FNIP1: variants seen among roughly 807,000 people sequenced by gnomAD.
The protein encoded by FNIP1 is folliculin-interacting protein 1.
Under a neutral mutation model 124.5 loss-of-function variants are expected in FNIP1, and 40 were observed. That is an observed-to-expected ratio of 0.32 (90% CI 0.25 to 0.42). The LOEUF (loss-of-function observed/expected upper bound fraction) is 0.42. FNIP1 is among the 10% of genes least tolerant of loss of function. The pLI is 1.00. For missense variants in FNIP1, 1,176 were observed against 1,403.7 expected, an observed-to-expected ratio of 0.84 and a Z score of 2.59; for synonymous variants, 472 against 470.6, an observed-to-expected ratio of 1.00 and a Z score of -0.04.
intron 16 of FNIP1, among the ~76,000 whole-genome samples, chr5:131,648,816 T>G (rs887692219): frequency 1.3e-5 from 2 of 152,210 alleles, no homozygotes; most frequent in Non-Finnish European, 2.9e-5. Flanking sequence ...CCTTATTCTC[T>G]TCTTACCCGC....
chr5:131,679,000 A>G, intron 12 of FNIP1, 29 bp downstream of exon 12: 1 of 1,471,180 alleles, frequency 6.8e-7, no homozygotes, highest in Non-Finnish European at 9.3e-7. Context: ...TACAATCTAG[A>G]TATCTAGTTA....
intron 15 of FNIP1, among the ~76,000 whole-genome samples, chr5:131,667,573 TTTTG>T (rs35498280): frequency 0.62 from 94,237 of 150,802 alleles, 31,154 homozygotes; most frequent in Non-Finnish European, 0.75. Flanking sequence ...ACTTCTGTTT[TTTTG>T]TTTGTTTGTT....
chr5:131,715,866 A>C (rs1339165588), intron 6 of FNIP1, among the ~76,000 whole-genome samples: 1 of 152,024 alleles, frequency 6.6e-6, no homozygotes, highest in African/African-American at 2.4e-5. Context: ...TATAAATAAA[A>C]GTTCTTACTA....
intron 11 of FNIP1, among the ~76,000 whole-genome samples, chr5:131,688,658 G>A (rs1419409848): frequency 4.8e-5 from 7 of 145,322 alleles, no homozygotes; most frequent in Admixed American, 2.1e-4. Context: ...ATGCAACAGC[G>A]AGATGGAAAG....
chr5:131,762,226 A>G (rs1436464520), intron 1 of FNIP1, among the ~76,000 whole-genome samples: 3 of 152,176 alleles, frequency 2.0e-5, no homozygotes, highest in African/African-American at 4.8e-5. Flanking sequence ...ACAGGTAATT[A>G]AAGTGAAAAC....
chr5:131,795,551 C>T (rs1772557193), intron 1 of FNIP1: 1 of 152,058 alleles, frequency 6.6e-6, no homozygotes, highest in South Asian at 2.1e-4. Flanking sequence ...TATTATCTAA[C>T]CTGCACTTTC....
At chr5:131,683,730 G>C (rs967557713) in intron 11 of FNIP1, among the ~76,000 whole-genome samples, 2 of 152,036 alleles carry the variant, frequency 1.3e-5, no homozygotes, top group South Asian at 4.1e-4. Context: ...CTGATTTGCA[G>C]ATGTGGAACC....
chr5:131,739,089 T>C (rs900919208), intron 2 of FNIP1, among the ~76,000 whole-genome samples: 2 of 152,198 alleles, frequency 1.3e-5, no homozygotes, highest in Admixed American at 1.3e-4. Flanking sequence ...GTGCTGGGTT[T>C]ACAGGCGTGA....
chr5:131,763,232 AT>A (rs980276731), intron 1 of FNIP1, among the ~76,000 whole-genome samples: 6 of 151,858 alleles, frequency 4.0e-5, no homozygotes, highest in African/African-American at 1.5e-4. Flanking sequence ...CCTTGATGTG[AT>A]TATTACACAC....
At chr5:131,656,394 T>A (rs568953870) in intron 15 of FNIP1, among the ~76,000 whole-genome samples, 1 of 152,174 alleles carries the variant, frequency 6.6e-6, no homozygotes, top group Non-Finnish European at 1.5e-5. Context: ...TGCCACTAGG[T>A]GTGAAAACCA....
At chr5:131,731,821 A>G (rs1203649806) in intron 2 of FNIP1, among the ~76,000 whole-genome samples, 1 of 152,056 alleles carries the variant, frequency 6.6e-6, no homozygotes, top group African/African-American at 2.4e-5. Flanking sequence ...ATACAACAAT[A>G]AACCCAAGTT....
chr5:131,762,989 T>TA (rs1771282827), intron 1 of FNIP1, among the ~76,000 whole-genome samples: 1 of 151,938 alleles, frequency 6.6e-6, no homozygotes, highest in South Asian at 2.1e-4. Context: ...CTAGTGGAGA[T>TA]AGAGTAGAAT....
intron 1 of FNIP1, among the ~76,000 whole-genome samples, chr5:131,778,473 G>C (rs13163540): frequency 0.74 from 108,113 of 146,334 alleles, 40,216 homozygotes; most frequent in Middle Eastern, 0.82. Context: ...TTAGAATGGC[G>C]ATCATTAAAA....
At chr5:131,683,656 AT>A (rs906937735) in intron 11 of FNIP1, among the ~76,000 whole-genome samples, 11 of 151,320 alleles carry the variant, frequency 7.3e-5, no homozygotes, top group Non-Finnish European at 1.6e-4. Flanking sequence ...TTTAATGTGT[AT>A]TTTTTTAATT....
At chr5:131,712,058 C>G (rs1769310145) in intron 6 of FNIP1, among the ~76,000 whole-genome samples, 1 of 152,120 alleles carries the variant, frequency 6.6e-6, no homozygotes, top group African/African-American at 2.4e-5. Flanking sequence ...AGATTGGAAC[C>G]CTTTTTTTTC....
chr5:131,698,530 A>G (rs903289127), intron 11 of FNIP1, among the ~76,000 whole-genome samples: 4 of 152,250 alleles, frequency 2.6e-5, no homozygotes, highest in African/African-American at 9.6e-5. Flanking sequence ...TATCAAGTGC[A>G]TGTTCCTTAT....
chr5:131,656,268 G>C (rs1345304582), intron 15 of FNIP1, among the ~76,000 whole-genome samples: 1 of 152,196 alleles, frequency 6.6e-6, no homozygotes, highest in Admixed American at 6.5e-5. Context: ...TGAATGGCTT[G>C]ATATGGACCA....
intron 10 of FNIP1, 21 bp downstream of exon 10, chr5:131,704,044 T>C (rs1373443930): frequency 1.9e-6 from 3 of 1,539,516 alleles, no homozygotes; most frequent in South Asian, 1.2e-5. Flanking sequence ...GGAAAATACA[T>C]AAATAAATAA....
chr5:131,692,245 A>C (rs1307270314), intron 11 of FNIP1, among the ~76,000 whole-genome samples: 1 of 152,216 alleles, frequency 6.6e-6, no homozygotes, highest in Admixed American at 6.5e-5. Flanking sequence ...CTGCTTTCCT[A>C]CAGACCAGCA....
Sources: gnomAD v4.1 joint callset for allele counts (sites outside exome capture counted in the v4.1 genomes callset) on GRCh38, gnomAD v4.1.1 for gene constraint, MANE v1.5 for transcripts, NCBI Gene and HGNC (gene_info 2026-07-23, HGNC 2026-07-21) for gene names.